Variants in RARS2 observed in about 807,000 individuals in gnomAD.
RARS2 encodes arginyl-tRNA synthetase 2, mitochondrial, also known as probable arginine--tRNA ligase, mitochondrial.
Under a neutral mutation model 88.5 loss-of-function variants are expected in RARS2, and 67 were observed. The ratio of observed to expected loss-of-function variants is 0.76; its 90% confidence interval spans 0.62 to 0.93. The LOEUF is 0.93. Among genes scored for constraint, RARS2 ranks in the 40% least tolerant of loss-of-function variants. RARS2 has a pLI of 0.00. For missense variants in RARS2, 664 were observed against 684.2 expected, an observed-to-expected ratio of 0.97 and a Z score of 0.33; for synonymous variants, 239 against 230.3, an observed-to-expected ratio of 1.04 and a Z score of -0.34.
At chr6:87,570,156 G>A (rs1195781392) in intron 1 of RARS2, among the ~76,000 whole-genome samples, 1 of 152,080 alleles carries the variant, frequency 6.6e-6, no homozygotes, top group African/African-American at 2.4e-5. Flanking sequence ...TAGAATAGCG[G>A]GGTGGATGTG....
intron 18 of RARS2, among the ~76,000 whole-genome samples, chr6:87,515,417 G>A (rs1341171147): frequency 6.6e-6 from 1 of 152,096 alleles, no homozygotes; most frequent in Non-Finnish European, 1.5e-5. Context: ...CTACTCGGGA[G>A]GCTGAGGCAG....
chr6:87,520,150 ACAGACAATTAAGAACCATG>A lies in RARS2; in HGVS notation c.1112+11_1112+29del. The stretch of plus-strand genomic sequence containing the variant: ...CATTTTCAGGCTCAGCTGACCCTGC[ACAGACAATTAAGAACCATG>A]CAGACATTACCTTTCTGCCCAGTCA... On this transcript the variant is annotated intron_variant, in intron 13 of 19. Coordinates refer to ENST00000369536, the MANE Select transcript of RARS2 (RefSeq NM_020320.5). The A allele has an allele frequency of 6.3e-7, 1 of 1,581,930 alleles. No individual in the cohort carries two copies. The highest frequency in any genetic ancestry group is 1.1e-5 in the South Asian group (1 of 90,436).
In RARS2 at chr6:87,545,652, T is replaced by C. The variant is rs1782402830; in HGVS notation, c.499A>G (p.Arg167Gly). The change falls in exon 7 of 20, where the codon AGA (arginine) becomes GGA (glycine). Residue 167 changes from arginine (R) to glycine (G), a missense_variant. Arg to Gly is a moderately radical substitution (Grantham distance 125). Transcript: ENST00000369536. ...CCCCAATCGCCAAGGTAATTTATTCTTATTACTTGATGTCCTAAAGCTTCT... is the reference window on the plus strand; with the variant it reads ...CCCCAATCGCCAAGGTAATTTATTCCTATTACTTGATGTCCTAAAGCTTCT... ...LKEALGHQVI[R>G]INYLGDWGMQ... The C allele has an allele frequency of 6.2e-7, 1 of 1,613,842 alleles. No homozygotes were observed.
chr6:87,514,389 T>C lies in RARS2; in HGVS notation c.*24A>G, dbSNP rs1770836690. 6.6e-7 allele frequency: 1 copy of C among 1,515,694 alleles called. No individual in the cohort carries two copies. The highest frequency in any genetic ancestry group is 1.1e-5 in the South Asian group (1 of 89,054). 93.9% of individuals were successfully genotyped at this position (1,515,694 alleles called of 1,614,324 possible). A position where few individuals can be genotyped will look rare whatever the true frequency, so the allele number is the denominator to read the frequency against. On this transcript the variant is annotated 3_prime_UTR_variant, in exon 20 of 20. Coordinates refer to ENST00000369536, the MANE Select transcript of RARS2 (RefSeq NM_020320.5). ...ATAGATAACTAGAATTCACTTGACA[T>C]TTTAAAAGCCATTTTAATGGAAATT... is the stretch of plus-strand genomic sequence containing the variant.
At chr6:87,581,636 G>T (rs1773502016) in intron 1 of RARS2, among the ~76,000 whole-genome samples, 1 of 131,366 alleles carries the variant, frequency 7.6e-6, no homozygotes, top group South Asian at 2.2e-4. Flanking sequence ...TACATGTGCA[G>T]GATGTGCAGG....
At chr6:87,564,070 G>A in intron 3 of RARS2, 60 bp downstream of exon 3, 1 of 1,296,030 alleles carries the variant, frequency 7.7e-7, no homozygotes. Flanking sequence ...AGCCTGCAAA[G>A]TACTTTTTTT....
At chr6:87,559,674 A>G (rs1035368577) in intron 4 of RARS2, among the ~76,000 whole-genome samples, 1 of 152,042 alleles carries the variant, frequency 6.6e-6, no homozygotes, top group Non-Finnish European at 1.5e-5. Context: ...ATATTTTTTA[A>G]TTTTTATTAT....
chr6:87,555,100 A>T (rs1371144720), intron 5 of RARS2, among the ~76,000 whole-genome samples: 1 of 139,556 alleles, frequency 7.2e-6, no homozygotes, highest in Non-Finnish European at 1.5e-5. Context: ...CTCCGTCTCA[A>T]AAATAAATAA....
intron 1 of RARS2, among the ~76,000 whole-genome samples, chr6:87,582,667 C>T (rs1003495847): frequency 5.9e-5 from 9 of 152,178 alleles, no homozygotes; most frequent in East Asian, 3.8e-4. Flanking sequence ...ACAGTACAAA[C>T]GTAGATAATT....
intron 1 of RARS2, among the ~76,000 whole-genome samples, chr6:87,588,956 T>C (rs972350410): frequency 1.3e-5 from 2 of 152,176 alleles, no homozygotes; most frequent in African/African-American, 2.4e-5. Flanking sequence ...CTTAACAAAA[T>C]GTCATGTTGG....
intron 4 of RARS2, among the ~76,000 whole-genome samples, chr6:87,559,279 T>C (rs1787023885): frequency 6.6e-6 from 1 of 151,592 alleles, no homozygotes; most frequent in African/African-American, 2.4e-5. Flanking sequence ...AATTTATCAT[T>C]GAAGAAAGAA....
At chr6:87,531,670 G>T (rs1280779507) in intron 8 of RARS2, among the ~76,000 whole-genome samples, 1 of 152,134 alleles carries the variant, frequency 6.6e-6, no homozygotes, top group South Asian at 2.1e-4. Flanking sequence ...ACTCAGCCAA[G>T]AACTAGGGTG....
At chr6:87,538,519 G>A (rs56004408) in intron 8 of RARS2, among the ~76,000 whole-genome samples, 9,670 of 152,140 alleles carry the variant, frequency 0.064, 384 homozygotes, top group African/African-American at 0.12. Flanking sequence ...GGAGTTTGAA[G>A]ACAGATTCCC....
At chr6:87,534,053 A>G (rs980068010) in intron 8 of RARS2, among the ~76,000 whole-genome samples, 7 of 151,916 alleles carry the variant, frequency 4.6e-5, no homozygotes, top group Non-Finnish European at 8.8e-5. Context: ...AAGAACATGT[A>G]AAAATATTCA....
chr6:87,574,204 A>G (rs1018520164), intron 1 of RARS2, among the ~76,000 whole-genome samples: 4 of 152,228 alleles, frequency 2.6e-5, no homozygotes, highest in African/African-American at 9.6e-5. Flanking sequence ...CTACTGCAGA[A>G]AGCAAACCTT....
intron 1 of RARS2, among the ~76,000 whole-genome samples, chr6:87,580,519 A>T (rs1027551568): frequency 6.6e-6 from 1 of 151,882 alleles, no homozygotes; most frequent in African/African-American, 2.4e-5. Context: ...TCATGCCTGT[A>T]ATTCCAGCAC....
At chr6:87,521,426 G>T in intron 12 of RARS2, 38 bp downstream of exon 12, 1 of 1,451,156 alleles carries the variant, frequency 6.9e-7, no homozygotes, top group Non-Finnish European at 9.7e-7. Flanking sequence ...TAGTTTTCAT[G>T]AGTTAAGAGA....
chr6:87,580,224 G>T (rs778441146), intron 1 of RARS2, among the ~76,000 whole-genome samples: 5 of 152,074 alleles, frequency 3.3e-5, no homozygotes, highest in Non-Finnish European at 4.4e-5. Flanking sequence ...TGTTTCACCT[G>T]GCATTGGGCT....
At chr6:87,530,049 G>C (rs969316945) in intron 9 of RARS2, among the ~76,000 whole-genome samples, 3 of 152,088 alleles carry the variant, frequency 2.0e-5, no homozygotes, top group Admixed American at 2.0e-4. Context: ...AAGCAAAATT[G>C]AGAATTTAGC....
Sources: allele counts gnomAD v4.1 joint callset (sites outside exome capture counted in the v4.1 genomes callset), GRCh38; gene constraint gnomAD v4.1.1; transcripts MANE v1.5; gene names NCBI Gene and HGNC (gene_info 2026-07-23, HGNC 2026-07-21).